CSTPP1: variants seen among roughly 807,000 people sequenced by gnomAD.
CSTPP1 encodes UPF0705 protein C11orf49.
At chr11:47,075,329 G>A in the CSTPP1 span, among the ~76,000 whole-genome samples, 2,633 of 152,038 alleles carry the variant, frequency 0.017, 70 homozygotes, top group African/African-American at 0.06. Context: ...CGAGATCGCA[G>A]CACTGCACTT....
At chr11:46,995,241 T>G in the CSTPP1 span, among the ~76,000 whole-genome samples, 1 of 152,228 alleles carries the variant, frequency 6.6e-6, no homozygotes, top group Non-Finnish European at 1.5e-5. Context: ...CTGGATTCAT[T>G]GATTTTTTGA....
chr11:47,080,944 G>T, the CSTPP1 span, among the ~76,000 whole-genome samples: 10 of 151,286 alleles, frequency 6.6e-5, no homozygotes, highest in Non-Finnish European at 1.5e-4. Flanking sequence ...GGGAGTTTAA[G>T]GATGCAGTGA....
At chr11:47,158,929 C>T in the CSTPP1 span, among the ~76,000 whole-genome samples, 2 of 152,206 alleles carry the variant, frequency 1.3e-5, no homozygotes, top group Non-Finnish European at 2.9e-5. Flanking sequence ...ATCCCCCTTC[C>T]TTTTGCCAGT....
At chr11:46,968,833 A>C in the CSTPP1 span, among the ~76,000 whole-genome samples, 1 of 152,022 alleles carries the variant, frequency 6.6e-6, no homozygotes, top group Non-Finnish European at 1.5e-5. Flanking sequence ...CGGGGGGCGG[A>C]GGTTGCAGTG....
the CSTPP1 span, among the ~76,000 whole-genome samples, chr11:47,033,464 G>C: frequency 6.6e-6 from 1 of 152,096 alleles, no homozygotes; most frequent in Non-Finnish European, 1.5e-5. Context: ...TGGTTCAGAA[G>C]CACTCACCTT....
the CSTPP1 span, among the ~76,000 whole-genome samples, chr11:47,077,269 G>T: frequency 1.7e-3 from 250 of 149,990 alleles, no homozygotes; most frequent in African/African-American, 5.9e-3. Context: ...GCCCAAACTC[G>T]GCTCACTGCA....
the CSTPP1 span, among the ~76,000 whole-genome samples, chr11:47,085,161 G>T: frequency 2.0e-5 from 3 of 152,056 alleles, no homozygotes; most frequent in East Asian, 3.9e-4. Context: ...CCAAGATCAC[G>T]CCACTGCACT....
chr11:47,088,798 G>A, the CSTPP1 span, among the ~76,000 whole-genome samples: 98,926 of 151,930 alleles, frequency 0.65, 32,625 homozygotes, highest in Middle Eastern at 0.7. Flanking sequence ...CACCTGCCTC[G>A]GCCTCCCAAA....
At chr11:47,126,838 G>A in the CSTPP1 span, among the ~76,000 whole-genome samples, 6 of 148,312 alleles carry the variant, frequency 4.0e-5, no homozygotes, top group Non-Finnish European at 5.9e-5. Context: ...GAGCTGAGGT[G>A]GGGGGGATTG....
the CSTPP1 span, among the ~76,000 whole-genome samples, chr11:46,996,405 G>A: frequency 5.3e-4 from 80 of 151,908 alleles, no homozygotes; most frequent in African/African-American, 1.8e-3. Flanking sequence ...CCGGGTTCAC[G>A]CCATTCTCCT....
the CSTPP1 span, among the ~76,000 whole-genome samples, chr11:46,955,960 C>T: frequency 6.7e-6 from 1 of 150,250 alleles, no homozygotes; most frequent in Non-Finnish European, 1.5e-5. Flanking sequence ...GCACTCCAGC[C>T]TGGGCGACAG....
chr11:46,984,880 T>C, the CSTPP1 span, among the ~76,000 whole-genome samples: 320 of 152,094 alleles, frequency 2.1e-3, no homozygotes, highest in African/African-American at 7.4e-3. Flanking sequence ...GAGGTGAAAA[T>C]GCAGCTGATT....
chr11:47,060,680 C>T, the CSTPP1 span, among the ~76,000 whole-genome samples: 1 of 152,160 alleles, frequency 6.6e-6, no homozygotes, highest in South Asian at 2.1e-4. Context: ...GGATAAAGGA[C>T]TACAAATTGG....
chr11:47,146,571 G>A, the CSTPP1 span, among the ~76,000 whole-genome samples: 2 of 152,044 alleles, frequency 1.3e-5, no homozygotes, highest in African/African-American at 2.4e-5. Flanking sequence ...TATCAAATTG[G>A]CAAAAATTTT....
chr11:46,960,720 C>T, the CSTPP1 span, among the ~76,000 whole-genome samples: 1 of 152,088 alleles, frequency 6.6e-6, no homozygotes, highest in Non-Finnish European at 1.5e-5. Context: ...GGCATGGTGG[C>T]GGGTGCCTGT....
At chr11:47,005,026 T>A in the CSTPP1 span, among the ~76,000 whole-genome samples, 84 of 152,342 alleles carry the variant, frequency 5.5e-4, 1 homozygote, top group Non-Finnish European at 1.3e-4. Flanking sequence ...ATTGTTCATC[T>A]GCACACTCTC....
the CSTPP1 span, among the ~76,000 whole-genome samples, chr11:47,124,326 G>A: frequency 6.6e-6 from 1 of 151,618 alleles, no homozygotes; most frequent in African/African-American, 2.4e-5. Flanking sequence ...GTTTCACCAT[G>A]TTGGTCAGGC....
At chr11:47,139,107 T>G in the CSTPP1 span, among the ~76,000 whole-genome samples, 2 of 152,002 alleles carry the variant, frequency 1.3e-5, no homozygotes, top group African/African-American at 4.8e-5. Context: ...TTTACCTTCA[T>G]TGTTCTATTT....
the CSTPP1 span, among the ~76,000 whole-genome samples, chr11:47,121,008 C>T: frequency 1.3e-5 from 2 of 152,224 alleles, no homozygotes; most frequent in East Asian, 1.9e-4. Flanking sequence ...GTATATGATA[C>T]GTATACAGTG....
Sources: gnomAD v4.1 joint callset for allele counts (sites outside exome capture counted in the v4.1 genomes callset) on GRCh38, gnomAD v4.1.1 for gene constraint, MANE v1.5 for transcripts, NCBI Gene and HGNC (gene_info 2026-07-23, HGNC 2026-07-21) for gene names.